Variants in NLGN1 observed in about 807,000 individuals in gnomAD.
NLGN1 encodes neuroligin 1, also known as neuroligin-1.
NLGN1 carries 12 observed loss-of-function variants against 65.5 expected under a neutral mutation model. The ratio of observed to expected loss-of-function variants is 0.18; its 90% CI spans 0.12 to 0.30. The LOEUF is 0.30. Ranked by LOEUF, NLGN1 falls within the 10% of genes least tolerant of loss-of-function variation. The pLI is 1.00. For missense variants in NLGN1, 750 were observed against 1,007.1 expected (o/e 0.74, Z 3.46); for synonymous variants, 350 against 359.5 (o/e 0.97, Z 0.30).
At chr3:174,258,551 C>A (rs12636181) in intron 4 of NLGN1, among the ~76,000 whole-genome samples, 32,191 of 151,896 alleles carry the variant, frequency 0.21, 3,675 homozygotes, top group East Asian at 0.49. Flanking sequence ...AAATTACCAC[C>A]CTAACCAAAC....
At chr3:173,518,591 A>G (rs1314619809) in intron 2 of NLGN1, among the ~76,000 whole-genome samples, 1 of 151,406 alleles carries the variant, frequency 6.6e-6, no homozygotes, top group African/African-American at 2.4e-5. Context: ...TGAGTTGCAG[A>G]TATTTCCCTC....
At chr3:173,668,935 C>A (rs1762095281) in intron 3 of NLGN1, among the ~76,000 whole-genome samples, 1 of 152,062 alleles carries the variant, frequency 6.6e-6, no homozygotes, top group African/African-American at 2.4e-5. Context: ...GTTTCTTTAT[C>A]TTTAATATGG....
intron 2 of NLGN1, among the ~76,000 whole-genome samples, chr3:173,587,049 AATAG>A (rs951669665): frequency 2.0e-5 from 3 of 152,346 alleles, no homozygotes; most frequent in South Asian, 2.1e-4. Context: ...TTGATATAAA[AATAG>A]ATAGATAATT....
At chr3:173,954,004 T>C (rs1321649588) in intron 4 of NLGN1, among the ~76,000 whole-genome samples, 1 of 152,178 alleles carries the variant, frequency 6.6e-6, no homozygotes, top group Non-Finnish European at 1.5e-5. Flanking sequence ...AGTGATGAAC[T>C]TGTAACACTT....
intron 2 of NLGN1, among the ~76,000 whole-genome samples, chr3:173,599,521 C>G (rs1003302340): frequency 6.6e-6 from 1 of 152,054 alleles, no homozygotes; most frequent in Non-Finnish European, 1.5e-5. Context: ...AGATATATTC[C>G]AAGTACATGG....
intron 4 of NLGN1, among the ~76,000 whole-genome samples, chr3:173,892,442 C>G (rs1579029198): frequency 6.6e-6 from 1 of 151,964 alleles, no homozygotes; most frequent in South Asian, 2.1e-4. Context: ...TTTTAACTTT[C>G]ACAATAGCCC....
intron 3 of NLGN1, among the ~76,000 whole-genome samples, chr3:173,701,189 G>A (rs1380652186): frequency 6.6e-6 from 1 of 152,100 alleles, no homozygotes; most frequent in Non-Finnish European, 1.5e-5. Context: ...AAGCATACAG[G>A]CAGAATAATG....
chr3:174,111,952 A>G (rs1469141323), intron 4 of NLGN1, among the ~76,000 whole-genome samples: 4 of 151,940 alleles, frequency 2.6e-5, no homozygotes, highest in Non-Finnish European at 5.9e-5. Flanking sequence ...TACCAGTGGA[A>G]GTAGTCCTGG....
chr3:173,502,898 T>A (rs989890188), intron 2 of NLGN1, among the ~76,000 whole-genome samples: 51 of 152,134 alleles, frequency 3.4e-4, no homozygotes, highest in Non-Finnish European at 8.8e-5. Flanking sequence ...CTTGAAAGAC[T>A]TATATTTGAA....
At chr3:174,173,402 G>A (rs763691382) in intron 4 of NLGN1, among the ~76,000 whole-genome samples, 1 of 151,968 alleles carries the variant, frequency 6.6e-6, no homozygotes, top group Non-Finnish European at 1.5e-5. Flanking sequence ...TAGAGGAAAG[G>A]CTTTCAGTTT....
intron 3 of NLGN1, among the ~76,000 whole-genome samples, chr3:173,789,661 T>C (rs1328452388): frequency 6.6e-6 from 1 of 152,212 alleles, no homozygotes; most frequent in Middle Eastern, 3.2e-3. Flanking sequence ...ATTTAGCACC[T>C]GTAATTCAGG....
chr3:174,099,742 A>G (rs1711960957), intron 4 of NLGN1, among the ~76,000 whole-genome samples: 1 of 152,214 alleles, frequency 6.6e-6, no homozygotes, highest in South Asian at 2.1e-4. Flanking sequence ...AGAAAAAAAA[A>G]GTTCAAAAGA....
intron 4 of NLGN1, among the ~76,000 whole-genome samples, chr3:174,010,026 G>A (rs755079243): frequency 6.6e-5 from 10 of 152,108 alleles, no homozygotes; most frequent in Non-Finnish European, 1.0e-4. Context: ...CAATGTACTA[G>A]TAAATTTGAA....
intron 2 of NLGN1, among the ~76,000 whole-genome samples, chr3:173,503,495 G>A (rs963319744): frequency 1.3e-5 from 2 of 151,994 alleles, no homozygotes. Context: ...TAAAAACGAA[G>A]TTGTACATGA....
intron 3 of NLGN1, among the ~76,000 whole-genome samples, chr3:173,680,640 A>C (rs937260724): frequency 3.9e-5 from 6 of 152,192 alleles, no homozygotes; most frequent in Non-Finnish European, 7.4e-5. Flanking sequence ...TTTGCTCATT[A>C]ATACCATTTT....
chr3:174,096,589 A>G (rs1033121183), intron 4 of NLGN1, among the ~76,000 whole-genome samples: 7 of 152,168 alleles, frequency 4.6e-5, no homozygotes, highest in Admixed American at 1.3e-4. Flanking sequence ...TACCTACACC[A>G]TTCAAGGTGA....
At chr3:173,754,527 T>C (rs974962229) in intron 3 of NLGN1, among the ~76,000 whole-genome samples, 2 of 152,126 alleles carry the variant, frequency 1.3e-5, no homozygotes, top group African/African-American at 4.8e-5. Context: ...ATTATCAATA[T>C]CTCTACTAAT....
intron 2 of NLGN1, among the ~76,000 whole-genome samples, chr3:173,573,870 T>C (rs1745047354): frequency 6.6e-6 from 1 of 151,690 alleles, no homozygotes; most frequent in Non-Finnish European, 1.5e-5. Flanking sequence ...AAGACCATCC[T>C]GGCTAACACG....
chr3:173,509,556 T>C (rs985053291), intron 2 of NLGN1, among the ~76,000 whole-genome samples: 1 of 152,144 alleles, frequency 6.6e-6, no homozygotes, highest in Non-Finnish European at 1.5e-5. Context: ...GAAGCTCCAA[T>C]GAGCCATACT....
Sources: gnomAD v4.1 joint callset for allele counts (sites outside exome capture counted in the v4.1 genomes callset) on GRCh38, gnomAD v4.1.1 for gene constraint, MANE v1.5 for transcripts, NCBI Gene and HGNC (gene_info 2026-07-23, HGNC 2026-07-21) for gene names.